APBB2: variants seen among roughly 807,000 people sequenced by gnomAD.
The protein encoded by APBB2 is amyloid beta precursor protein binding family B member 2.
Under a neutral mutation model 82.5 loss-of-function variants are expected in APBB2, and 38 were observed. The ratio of observed to expected loss-of-function variants is 0.46; its 90% confidence interval spans 0.36 to 0.60. APBB2 has a LOEUF of 0.60. Ranked by LOEUF, APBB2 falls within the 20% of genes least tolerant of loss-of-function variation. APBB2 has a pLI of 0.00. For missense variants in APBB2, 772 were observed against 972.3 expected (o/e 0.79, Z 2.74); for synonymous variants, 341 against 368.2 (o/e 0.93, Z 0.85).
intron 6 of APBB2, among the ~76,000 whole-genome samples, chr4:41,011,456 G>C (rs1473828300): frequency 2.6e-5 from 4 of 151,780 alleles, no homozygotes; most frequent in African/African-American, 9.7e-5. Flanking sequence ...TTTTGAGATG[G>C]AGTCTCGCCT....
chr4:40,919,699 A>G (rs971672088), intron 10 of APBB2, among the ~76,000 whole-genome samples: 31 of 152,334 alleles, frequency 2.0e-4, no homozygotes, highest in African/African-American at 7.5e-4. Flanking sequence ...GGGACCCATT[A>G]CATGAAAATA....
At chr4:40,817,182 C>A (rs185752862) in intron 17 of APBB2, among the ~76,000 whole-genome samples, 1 of 151,850 alleles carries the variant, frequency 6.6e-6, no homozygotes, top group Non-Finnish European at 1.5e-5. Flanking sequence ...CTGAGGGAGG[C>A]GGATCACTTG....
intron 3 of APBB2, among the ~76,000 whole-genome samples, chr4:41,069,851 A>T (rs1231766528): frequency 1.3e-5 from 2 of 152,252 alleles, no homozygotes; most frequent in African/African-American, 2.4e-5. Flanking sequence ...TTCACAGAAG[A>T]AAATCTTTAT....
At chr4:41,053,704 G>C (rs905639875) in intron 4 of APBB2, among the ~76,000 whole-genome samples, 1 of 152,100 alleles carries the variant, frequency 6.6e-6, no homozygotes, top group African/African-American at 2.4e-5. Context: ...TCATAAAAAA[G>C]GCCATAAGGA....
intron 6 of APBB2, among the ~76,000 whole-genome samples, chr4:40,971,092 C>G (rs1795826490): frequency 6.6e-6 from 1 of 152,184 alleles, no homozygotes; most frequent in Non-Finnish European, 1.5e-5. Flanking sequence ...TTCAAGCTCG[C>G]AATGATTCCT....
At chr4:40,823,490 C>T (rs1748708228) in intron 16 of APBB2, among the ~76,000 whole-genome samples, 154 bp downstream of exon 16, 1 of 152,168 alleles carries the variant, frequency 6.6e-6, no homozygotes, top group African/African-American at 2.4e-5. Context: ...AGATTTAGAC[C>T]CAGACAAAGG....
chr4:41,078,570 A>G (rs1736445272), intron 3 of APBB2, among the ~76,000 whole-genome samples: 1 of 152,242 alleles, frequency 6.6e-6, no homozygotes, highest in African/African-American at 2.4e-5. Flanking sequence ...TAAGGACCAC[A>G]GTGTGAGAGG....
At chr4:41,005,141 G>C (rs1806342793) in intron 6 of APBB2, among the ~76,000 whole-genome samples, 1 of 152,000 alleles carries the variant, frequency 6.6e-6, no homozygotes, top group Admixed American at 6.5e-5. Context: ...GCCCAGGCTG[G>C]AATGCAGTGG....
intron 3 of APBB2, among the ~76,000 whole-genome samples, chr4:41,074,679 GGCTCACT>G (rs1490003208): frequency 1.3e-5 from 2 of 148,812 alleles, no homozygotes; most frequent in Non-Finnish European, 3.0e-5. Flanking sequence ...GCACCATCTC[GGCTCACT>G]GCCAGCTCCG....
intron 1 of APBB2, among the ~76,000 whole-genome samples, chr4:41,203,907 T>A (rs1289723078): frequency 6.6e-6 from 1 of 152,238 alleles, no homozygotes; most frequent in African/African-American, 2.4e-5. Context: ...CAAACACTTT[T>A]ACTCTATATT....
Position 40,934,457 on chromosome 4 carries a change from T to G in APBB2, c.1253A>C (p.Lys418Thr). ...SCSINSDPEA[K>T]CFAVRSLGWV... ...GGCTGAAAGCAAGTCTTTACAAACC[T>G]TGGCTTCTGGGTCACTGTTGATACT... is the stretch of plus-strand genomic sequence containing the variant. The change falls in exon 10 of 18, where the codon AAG becomes ACG. Residue 418 changes from lysine (K) to threonine (T), a missense_variant and splice_region_variant. Physicochemically the swap from Lys to Thr is moderately conservative, Grantham distance 78. Transcript: ENST00000508593. 1 of 1,614,052 alleles carries G rather than the reference T, an allele frequency of 6.2e-7. No homozygotes were observed. The highest frequency in any genetic ancestry group is 8.5e-7 in the Non-Finnish European group (1 of 1,179,882).
intron 7 of APBB2, among the ~76,000 whole-genome samples, chr4:40,942,187 AAC>A (rs1371040857): frequency 2.6e-5 from 4 of 152,142 alleles, no homozygotes; most frequent in African/African-American, 9.7e-5. Flanking sequence ...TAGGGGGAGA[AAC>A]ACGTGTATTA....
At chr4:41,097,875 T>C (rs1744084810) in intron 3 of APBB2, among the ~76,000 whole-genome samples, 1 of 152,226 alleles carries the variant, frequency 6.6e-6, no homozygotes. Context: ...TCTAGGGTTC[T>C]GAATTTTCTC....
At chr4:41,153,552 A>G (rs947292737) in intron 1 of APBB2, among the ~76,000 whole-genome samples, 1 of 152,232 alleles carries the variant, frequency 6.6e-6, no homozygotes, top group Admixed American at 6.5e-5. Flanking sequence ...GATCAAAAGT[A>G]GGTTTCCATT....
chr4:41,029,243 C>T (rs1269213522), intron 5 of APBB2, among the ~76,000 whole-genome samples: 1 of 152,196 alleles, frequency 6.6e-6, no homozygotes, highest in Non-Finnish European at 1.5e-5. Context: ...ATGAAATAAA[C>T]TCTGATTTTT....
chr4:41,186,005 C>T (rs916489356), intron 1 of APBB2, among the ~76,000 whole-genome samples: 1 of 152,162 alleles, frequency 6.6e-6, no homozygotes. Context: ...TACTCTACCA[C>T]ACTCTAAGGC....
At chr4:41,209,367 G>A (rs1778759990) in intron 1 of APBB2, among the ~76,000 whole-genome samples, 1 of 152,178 alleles carries the variant, frequency 6.6e-6, no homozygotes, top group Non-Finnish European at 1.5e-5. Context: ...TCATGATCCT[G>A]CTAATGACAC....
intron 12 of APBB2, among the ~76,000 whole-genome samples, chr4:40,883,778 C>T (rs1176765160): frequency 2.6e-5 from 4 of 151,942 alleles, no homozygotes; most frequent in Non-Finnish European, 5.9e-5. Context: ...CAAAGATCGC[C>T]TCGTTCCATT....
chr4:40,975,627 C>G (rs954725379), intron 6 of APBB2, among the ~76,000 whole-genome samples: 1 of 152,100 alleles, frequency 6.6e-6, no homozygotes, highest in Non-Finnish European at 1.5e-5. Context: ...GTATGAAATA[C>G]TCCACATGCT....
Sources: gnomAD v4.1 joint callset for allele counts (sites outside exome capture counted in the v4.1 genomes callset) on GRCh38, gnomAD v4.1.1 for gene constraint, MANE v1.5 for transcripts, NCBI Gene and HGNC (gene_info 2026-07-23, HGNC 2026-07-21) for gene names.